The following EDEM3 variants were observed in gnomAD, a reference collection of about 807,000 sequenced individuals.
EDEM3 encodes ER degradation-enhancing alpha-mannosidase-like protein 3.
A neutral mutation model predicts 110.2 loss-of-function variants in EDEM3; 60 were observed. The ratio of observed to expected loss-of-function variants is 0.54; its 90% confidence interval spans 0.44 to 0.67. The LOEUF (loss-of-function observed/expected upper bound fraction) is 0.67, where lower values mean the gene tolerates loss of function less well. EDEM3 is among the 30% of genes least tolerant of loss of function. EDEM3 has a pLI of 0.00. For synonymous variants in EDEM3, 352 were observed against 382.9 expected, an observed-to-expected ratio of 0.92 and a Z score of 0.94; for missense variants, 996 against 1,121.0, an observed-to-expected ratio of 0.89 and a Z score of 1.59.
intron 1 of EDEM3, among the ~76,000 whole-genome samples, chr1:184,753,108 T>C (rs889783903): frequency 1.3e-5 from 2 of 152,194 alleles, no homozygotes; most frequent in African/African-American, 4.8e-5. Context: ...TTTGCAATGA[T>C]TTAAAGTACA....
In EDEM3 at chr1:184,693,018, C is replaced by T. The variant is rs1275767468; in HGVS notation, c.*1045G>A. On this transcript the variant is annotated 3_prime_UTR_variant, in exon 20 of 20. Transcript: ENST00000318130. ...TCAAAGGAGAAAAACAGTAGTTACTCCAGGAATTTTAACTCACTAACCACA... is the reference window on the plus strand; with the variant it reads ...TCAAAGGAGAAAAACAGTAGTTACTTCAGGAATTTTAACTCACTAACCACA... 6.5e-6 allele frequency: 1 copy of T among 154,670 alleles called. No homozygotes were observed. Among genetic ancestry groups the T allele is most frequent in the Non-Finnish European group, 1.5e-5 (1 of 68,164 alleles). The allele number at this position is 154,670 out of a possible 1,614,324, so 9.6% of individuals were successfully genotyped here.
chr1:184,744,281 T>A (rs1652303077), intron 2 of EDEM3, among the ~76,000 whole-genome samples: 1 of 124,304 alleles, frequency 8.0e-6, no homozygotes, highest in Non-Finnish European at 1.7e-5. Flanking sequence ...TATATATATA[T>A]ATATATATAT....
At chr1:184,721,225 A>C (rs1328138722) in intron 9 of EDEM3, 64 bp downstream of exon 9, 2 of 1,214,364 alleles carry the variant, frequency 1.6e-6, no homozygotes, top group African/African-American at 3.1e-5. Flanking sequence ...CAGGTAATGG[A>C]GTTTCTATAA....
At chr1:184,737,443 A>G (rs1192107167) in intron 3 of EDEM3, among the ~76,000 whole-genome samples, 168 bp downstream of exon 3, 2 of 152,272 alleles carry the variant, frequency 1.3e-5, no homozygotes, top group East Asian at 3.8e-4. Flanking sequence ...AAACTGATTA[A>G]TCTTTTATAA....
intron 18 of EDEM3, among the ~76,000 whole-genome samples, chr1:184,703,931 C>G (rs1309026470): frequency 6.6e-6 from 1 of 151,964 alleles, no homozygotes; most frequent in Non-Finnish European, 1.5e-5. Context: ...AACTGAGGAA[C>G]AAAGAGAGAG....
At chr1:184,739,320 ATAAT>A (rs1198512933) in intron 2 of EDEM3, among the ~76,000 whole-genome samples, 3 of 149,154 alleles carry the variant, frequency 2.0e-5, no homozygotes, top group Non-Finnish European at 4.5e-5. Flanking sequence ...TATCATTAAA[ATAAT>A]TAAGATTAAA....
At chr1:184,737,471 T>C in intron 3 of EDEM3, 140 bp downstream of exon 3, 1 of 675,048 alleles carries the variant, frequency 1.5e-6, no homozygotes, top group Non-Finnish European at 2.5e-6. Context: ...CAGAAGGGAA[T>C]AAAGGAGCAT....
rs1650771205 is a variant in EDEM3, at chr1:184,719,649, TA to T, written c.952-82del. 2.3e-6 allele frequency: 3 copies of T among 1,330,648 alleles called. No individual in the cohort carries two copies. The South Asian group carries it at 5.1e-5, about 23-fold the overall frequency. The allele number at this position is 1,330,648 out of a possible 1,614,324, so 82.4% of individuals were successfully genotyped here. On this transcript the variant is annotated intron_variant, in intron 9 of 19. Coordinates refer to ENST00000318130, the MANE Select transcript of EDEM3 (RefSeq NM_025191.4). ...TAAACACATTAAATAGCACTGTGAA[TA>T]AATTAAACTAGAATTTATATATAAA...
Position 184,694,220 on chromosome 1 carries a change from G to A in EDEM3, c.2642C>T (p.Thr881Ile). The change falls in exon 20 of 20, where the codon ACA (threonine) becomes ATA (isoleucine). Residue 881 changes from threonine (T) to isoleucine (I), a missense_variant. Around this residue, in one of 5 missense-constraint regions of EDEM3, gnomAD observed 345 missense variants for 402.0 expected, o/e 0.86. Coordinates refer to ENST00000318130, the MANE Select transcript of EDEM3 (RefSeq NM_025191.4). ...HETTNLNGEC[T>I]DLDNQLQEQS... Reference sequence around the variant, plus strand: ...TTCTTGAAGCTGGTTATCTAAATCTGTACATTCACCATTAAGATTTGTAGT... The same window carrying A: ...TTCTTGAAGCTGGTTATCTAAATCTATACATTCACCATTAAGATTTGTAGT... 2.5e-6 allele frequency: 4 copies of A among 1,613,446 alleles called. No homozygotes were observed. The highest frequency in any genetic ancestry group is 3.4e-6 in the Non-Finnish European group (4 of 1,179,662).
chr1:184,712,217 C>T (rs1650287743), intron 14 of EDEM3, among the ~76,000 whole-genome samples: 1 of 152,006 alleles, frequency 6.6e-6, no homozygotes, highest in African/African-American at 2.4e-5. Flanking sequence ...TGAGCCACCG[C>T]ACCTGGCCTA....
At chr1:184,745,063 T>C (rs1161609029) in intron 2 of EDEM3, among the ~76,000 whole-genome samples, 1 of 152,114 alleles carries the variant, frequency 6.6e-6, no homozygotes, top group Non-Finnish European at 1.5e-5. Context: ...GTTAAACAAC[T>C]GTATACAATT....
rs201274616 is a variant in EDEM3, at chr1:184,734,595, T to C, written c.394A>G (p.Arg132Gly). ...EFEDAVRKVLRDVNLDNDVVV... is the reference protein window; with the variant it reads ...EFEDAVRKVLGDVNLDNDVVV... ...ACATCGTTATCTAAATTAACATCTC[T>C]TAAAACTTTTCTCACTGCATCTTCA... The change falls in exon 5 of 20, where the codon AGA becomes GGA. Residue 132 changes from arginine (R) to glycine (G), a missense_variant. Arg to Gly is a moderately radical substitution (Grantham distance 125). Coordinates refer to ENST00000318130, the MANE Select transcript of EDEM3 (RefSeq NM_025191.4). 1.0e-4 allele frequency: 162 copies of C among 1,553,126 alleles called. No individual in the cohort carries two copies. In the East Asian group the frequency reaches 3.1e-3, roughly 30 times the overall value.
chr1:184,701,984 C>T (rs1385056484), intron 19 of EDEM3, among the ~76,000 whole-genome samples: 1 of 152,012 alleles, frequency 6.6e-6, no homozygotes, highest in African/African-American at 2.4e-5. Flanking sequence ...GGGGATGTAA[C>T]AACCCTGTAC....
At position 184,719,283 on chromosome 1, in the gene EDEM3, T is replaced by C. The variant is rs1466789365; in HGVS notation, c.1078-38A>G. The C allele has an allele frequency of 5.3e-6, 8 of 1,506,574 alleles. No individual in the cohort carries two copies. In the East Asian group the frequency reaches 6.9e-5, roughly 13 times the overall value. The allele number at this position is 1,506,574 out of a possible 1,614,324, so 93.3% of individuals were successfully genotyped here. The stretch of plus-strand genomic sequence containing the variant: ...AACAATAAAATTACCTAATAAAATA[T>C]GAGCTGATTTTATCTCTAATCATTA... On this transcript the variant is annotated intron_variant, in intron 10 of 19. Transcript: ENST00000318130.
chr1:184,737,402 TAAC>T (rs1651888899), intron 3 of EDEM3, among the ~76,000 whole-genome samples: 1 of 152,356 alleles, frequency 6.6e-6, no homozygotes, highest in African/African-American at 2.4e-5. Context: ...ATATGCAGCT[TAAC>T]AACTAACTTT....
rs1422658014 is a variant in EDEM3, at chr1:184,754,540, A to C, written c.107T>G (p.Val36Gly). The C allele has an allele frequency of 5.0e-6, 8 of 1,612,670 alleles. No individual in the cohort carries two copies. The highest frequency in any genetic ancestry group is 6.8e-6 in the Non-Finnish European group (8 of 1,179,740). The change falls in exon 1 of 20, where the codon GTG (valine) becomes GGG (glycine). Residue 36 changes from valine (V) to glycine (G), a missense_variant. Transcript: ENST00000318130. Reference protein sequence around the residue: ...AAFCLVSATSVWTAGAEPMSR... With the variant: ...AAFCLVSATSGWTAGAEPMSR... ...CATGGGCTCGGCCCCCGCCGTCCAC[A>C]CGGAGGTGGCCGACACCAGGCAGAA...
intron 6 of EDEM3, among the ~76,000 whole-genome samples, chr1:184,727,960 T>G (rs1304211276): frequency 6.6e-6 from 1 of 152,134 alleles, no homozygotes; most frequent in East Asian, 1.9e-4. Context: ...TCCTTAATAA[T>G]AAAATAAAGA....
intron 16 of EDEM3, among the ~76,000 whole-genome samples, chr1:184,709,277 G>A (rs184685636): frequency 6.6e-6 from 1 of 152,126 alleles, no homozygotes; most frequent in African/African-American, 2.4e-5. Context: ...GTAGATGAAA[G>A]TTGAATTTAA....
chr1:184,752,636 T>A (rs1652830028), intron 1 of EDEM3, among the ~76,000 whole-genome samples: 1 of 152,238 alleles, frequency 6.6e-6, no homozygotes, highest in African/African-American at 2.4e-5. Context: ...ATCCAATGAC[T>A]CTTTTACAAA....
Sources: gnomAD v4.1 joint callset for allele counts (sites outside exome capture counted in the v4.1 genomes callset) on GRCh38, gnomAD v4.1.1 for gene constraint, gnomAD v4.1.1 regional missense constraint, MANE v1.5 for transcripts, NCBI Gene and HGNC (gene_info 2026-07-23, HGNC 2026-07-21) for gene names.